DCDC1: variants seen among roughly 807,000 people sequenced by gnomAD.
The protein encoded by DCDC1 is doublecortin domain-containing protein 1.
A neutral mutation model predicts 178.3 loss-of-function variants in DCDC1; 200 were observed. The observed-to-expected ratio is 1.12, with a 90% confidence interval of 1.00 to 1.26. The LOEUF (loss-of-function observed/expected upper bound fraction) is 1.26. Among genes scored for constraint, DCDC1 ranks in the 50% most tolerant of loss-of-function variants. The pLI, the probability that DCDC1 is intolerant of heterozygous loss-of-function variation, is 0.00. For synonymous variants in DCDC1, 690 were observed against 604.8 expected (o/e 1.14, Z -2.07); for missense variants, 1,983 against 1,749.2 (o/e 1.13, Z -2.38).
intron 21 of DCDC1, chr11:30,944,330 G>A (rs1275139557): frequency 2.2e-6 from 1 of 456,404 alleles, no homozygotes; most frequent in African/African-American, 2.0e-5. Context: ...TCCTTGCTCT[G>A]TCTGCATTGC....
intron 20 of DCDC1, among the ~76,000 whole-genome samples, chr11:30,985,054 G>A (rs769721783): frequency 3.2e-4 from 49 of 152,024 alleles, no homozygotes; most frequent in Non-Finnish European, 5.9e-4. Flanking sequence ...TTCTTTCCTT[G>A]TGAATCATCC....
In DCDC1 at chr11:31,101,392, G is replaced by T. The variant is rs1406725208; in HGVS notation, c.1983+785C>A. 5.3e-5 allele frequency among the ~76,000 whole-genome samples: 8 copies of T among 151,982 alleles called. No individual in the cohort carries two copies. In the East Asian group the frequency reaches 1.5e-3, roughly 29 times the overall value. ...AAAAAAAAAAACATCTTCTTTACTGGAAGGATAAATTTCTAAGTGTAAATT... is the reference window on the plus strand; with the variant it reads ...AAAAAAAAAAACATCTTCTTTACTGTAAGGATAAATTTCTAAGTGTAAATT... On this transcript the variant is annotated intron_variant, in intron 15 of 38. Transcript: ENST00000684477.
At chr11:31,111,857 C>CA (rs1371363925) in intron 11 of DCDC1, among the ~76,000 whole-genome samples, 1 of 152,104 alleles carries the variant, frequency 6.6e-6, no homozygotes, top group Non-Finnish European at 1.5e-5. Flanking sequence ...CAGAGTGCAG[C>CA]AAATTATATT....
Position 31,046,013 on chromosome 11 carries a change from T to A in DCDC1, c.2591+18456A>T, listed in dbSNP as rs79096965. 3.5e-3 allele frequency among the ~76,000 whole-genome samples: 535 copies of A among 152,290 alleles called. 1 individual carries two copies. The highest frequency in any genetic ancestry group is 0.012 in the African/African-American group (512 of 41,562). Reference sequence around the variant, plus strand: ...CTAGTTATGCATGCACTCATGTGTGTGTGTTTGCATGTGTGTGTAGCTCTA... The same window carrying A: ...CTAGTTATGCATGCACTCATGTGTGAGTGTTTGCATGTGTGTGTAGCTCTA... On this transcript the variant is annotated intron_variant, in intron 20 of 38. Coordinates refer to ENST00000684477, the MANE Select transcript of DCDC1 (RefSeq NM_001387274.1).
chr11:30,930,383 T>C (rs1309690121), intron 22 of DCDC1, among the ~76,000 whole-genome samples: 1 of 152,142 alleles, frequency 6.6e-6, no homozygotes, highest in East Asian at 1.9e-4. Flanking sequence ...TTGATGATAT[T>C]ATAGAACACT....
chr11:31,070,179 A>G (rs1209727945), intron 18 of DCDC1, among the ~76,000 whole-genome samples: 2 of 152,154 alleles, frequency 1.3e-5, no homozygotes, highest in African/African-American at 4.8e-5. Flanking sequence ...ATCTACTCTA[A>G]GACCAGGTGA....
chr11:30,959,385 T>C (rs1255506405), intron 20 of DCDC1, among the ~76,000 whole-genome samples: 1 of 152,074 alleles, frequency 6.6e-6, no homozygotes, highest in Non-Finnish European at 1.5e-5. Flanking sequence ...CCCATTCTCC[T>C]CCCTGTTCAC....
In DCDC1 at chr11:30,878,669, A is replaced by C; in HGVS notation, c.5276T>G (p.Ile1759Ser). The change falls in exon 38 of 39, where the codon ATC becomes AGC. Residue 1759 changes from isoleucine (I) to serine (S), a missense_variant. Transcript: ENST00000684477. ...GGCTTGAGGGCCCTGCTGCCTTCGG[A>C]TTCTGGCATAATTTGCTCTGATCTC... Reference protein sequence around the residue: ...LMEIRANYARIRRQQGPQATD... With the variant: ...LMEIRANYARSRRQQGPQATD... 6.2e-7 allele frequency: 1 copy of C among 1,608,336 alleles called. No homozygotes were observed. Among genetic ancestry groups the C allele is most frequent in the Non-Finnish European group, 8.5e-7 (1 of 1,177,422 alleles).
At chr11:30,938,740 C>G (rs1947438710) in intron 21 of DCDC1, among the ~76,000 whole-genome samples, 1 of 152,146 alleles carries the variant, frequency 6.6e-6, no homozygotes, top group Admixed American at 6.5e-5. Flanking sequence ...CCAGATAAAA[C>G]AGCAATACTT....
At chr11:31,179,900 C>G (rs538321309) in intron 9 of DCDC1, among the ~76,000 whole-genome samples, 12 of 152,266 alleles carry the variant, frequency 7.9e-5, no homozygotes, top group Admixed American at 3.9e-4. Flanking sequence ...AAGATATTAG[C>G]AAGCCAAATC....
chr11:31,287,705 C>T (rs555142630), intron 7 of DCDC1, among the ~76,000 whole-genome samples: 9 of 151,990 alleles, frequency 5.9e-5, no homozygotes, highest in African/African-American at 2.2e-4. Flanking sequence ...TGAAAATATT[C>T]ACCATCTGTG....
rs529062839 is a variant in DCDC1, at chr11:31,138,100, A to T, written c.1222-316T>A. Among the ~76,000 whole-genome samples the T allele has an allele frequency of 4.3e-3, 132 of 31,030 alleles. No homozygotes were observed. In the East Asian group the frequency reaches 0.27, roughly 64 times the overall value. 20.4% of individuals were successfully genotyped at this position (31,030 alleles called of 152,430 possible). On this transcript the variant is annotated intron_variant, in intron 9 of 38. Coordinates refer to ENST00000684477, the MANE Select transcript of DCDC1 (RefSeq NM_001387274.1). The stretch of plus-strand genomic sequence containing the variant: ...TTAAAATGGACACAGCAACTTTTTA[A>T]AAAAAAATTAGGTTAATATTTCTAT...
Position 30,952,533 on chromosome 11 carries a change from C to T in DCDC1, c.2627G>A (p.Gly876Asp). ...AIKHEGTSKP[G>D]QWKHSRVENP... ...TTCAACTCTAGAATGTTTCCACTGG[C>T]CTGGCTTACTGGTTCCTTCATGTTT... Residue 876 changes from glycine (G) to aspartate (D), a missense_variant, in exon 21 of 39, where the codon GGC becomes GAC. Physicochemically the swap from Gly to Asp is moderately conservative, Grantham distance 94 (BLOSUM62 -1). Coordinates refer to ENST00000684477, the MANE Select transcript of DCDC1 (RefSeq NM_001387274.1). 1 of 1,565,384 alleles carries T rather than the reference C, an allele frequency of 6.4e-7. No homozygotes were observed.
chr11:31,039,650 T>C (rs144089492), intron 20 of DCDC1, among the ~76,000 whole-genome samples: 1 of 152,126 alleles, frequency 6.6e-6, no homozygotes, highest in African/African-American at 2.4e-5. Context: ...AAAATTAAGA[T>C]AAAGTTCCTA....
At chr11:30,910,628 A>C (rs982869673) in intron 28 of DCDC1, among the ~76,000 whole-genome samples, 2 of 152,208 alleles carry the variant, frequency 1.3e-5, no homozygotes, top group Non-Finnish European at 2.9e-5. Flanking sequence ...CAAAGCAGGA[A>C]TGCCTCTTCA....
At chr11:31,179,329 T>C (rs745973003) in intron 9 of DCDC1, among the ~76,000 whole-genome samples, 90 of 152,308 alleles carry the variant, frequency 5.9e-4, no homozygotes, top group Non-Finnish European at 1.1e-3. Context: ...TTATTGGATA[T>C]ATATCAAAAC....
intron 9 of DCDC1, among the ~76,000 whole-genome samples, chr11:31,226,109 C>A (rs1024554252): frequency 6.6e-6 from 1 of 151,990 alleles, no homozygotes; most frequent in African/African-American, 2.4e-5. Flanking sequence ...ATATAATTTT[C>A]TCTTATATTT....
intron 18 of DCDC1, among the ~76,000 whole-genome samples, chr11:31,076,492 G>T (rs1956872416): frequency 1.3e-5 from 2 of 151,996 alleles, no homozygotes; most frequent in African/African-American, 4.8e-5. Context: ...GGGATCACAG[G>T]CATGCACCAT....
intron 20 of DCDC1, among the ~76,000 whole-genome samples, chr11:30,958,342 G>A (rs1172255022): frequency 6.6e-6 from 1 of 152,064 alleles, no homozygotes; most frequent in Non-Finnish European, 1.5e-5. Context: ...ACAACCAAGT[G>A]GACAGGATGC....
Sources: gnomAD v4.1 joint callset for allele counts (sites outside exome capture counted in the v4.1 genomes callset) on GRCh38, gnomAD v4.1.1 for gene constraint, MANE v1.5 for transcripts, NCBI Gene and HGNC (gene_info 2026-07-23, HGNC 2026-07-21) for gene names.